The following CCDC192 variants were observed in gnomAD, a reference collection of about 807,000 sequenced individuals.
The protein encoded by CCDC192 is coiled-coil domain-containing protein 192.
At chr5:127,729,659 TAACA>T (rs545532565) in intron 2 of CCDC192, among the ~76,000 whole-genome samples, 168 of 152,272 alleles carry the variant, frequency 1.1e-3, no homozygotes, top group African/African-American at 3.8e-3. Flanking sequence ...ACTGAAATCA[TAACA>T]AACAGTCTCC....
At chr5:127,921,042 A>AAAGGAGG (rs1183097261) in intron 6 of CCDC192, among the ~76,000 whole-genome samples, 118 of 149,028 alleles carry the variant, frequency 7.9e-4, no homozygotes, top group African/African-American at 2.6e-3. Flanking sequence ...GTTGGAAAGG[A>AAAGGAGG]AAGGAGGAAG....
intron 1 of CCDC192, 147 bp from the exon 2 acceptor site, chr5:127,707,562 G>A: frequency 5.3e-6 from 2 of 378,142 alleles, no homozygotes; most frequent in Middle Eastern, 6.7e-4. Context: ...GAAATGTCCA[G>A]AAATTGACAT....
chr5:127,819,162 A>AC (rs1170266463), intron 5 of CCDC192, among the ~76,000 whole-genome samples: 1 of 152,030 alleles, frequency 6.6e-6, no homozygotes, highest in Non-Finnish European at 1.5e-5. Flanking sequence ...CCAGATAAAG[A>AC]CCCCCTACTG....
At chr5:127,757,780 A>ACACACACACACG (rs1754682549) in intron 3 of CCDC192, among the ~76,000 whole-genome samples, 2 of 92,620 alleles carry the variant, frequency 2.2e-5, no homozygotes, top group African/African-American at 8.0e-5. Flanking sequence ...ACACACACAC[A>ACACACACACACG]CACACACACA....
intron 5 of CCDC192, among the ~76,000 whole-genome samples, chr5:127,851,130 C>T (rs1253402660): frequency 6.6e-6 from 1 of 152,078 alleles, no homozygotes; most frequent in Admixed American, 6.6e-5. Context: ...TGCAAATCTC[C>T]CTTGTCTTTG....
intron 5 of CCDC192, among the ~76,000 whole-genome samples, chr5:127,828,886 AG>A (rs1237462013): frequency 2.0e-5 from 3 of 152,228 alleles, no homozygotes; most frequent in Non-Finnish European, 2.9e-5. Flanking sequence ...GGTAGCCATC[AG>A]GTGATTTTAG....
intron 6 of CCDC192, among the ~76,000 whole-genome samples, chr5:127,939,056 T>C (rs2126337883): frequency 6.6e-6 from 1 of 152,166 alleles, no homozygotes; most frequent in African/African-American, 2.4e-5. Flanking sequence ...TTTTTTGAAA[T>C]TTGAGCTGTT....
At chr5:127,895,984 A>T (rs567617919) in intron 6 of CCDC192, among the ~76,000 whole-genome samples, 191 of 152,324 alleles carry the variant, frequency 1.3e-3, no homozygotes, top group African/African-American at 4.5e-3. Context: ...GCTTTATTTG[A>T]ATCTTTAATG....
intron 3 of CCDC192, among the ~76,000 whole-genome samples, chr5:127,762,911 C>A (rs551752995): frequency 2.0e-5 from 3 of 152,066 alleles, no homozygotes; most frequent in Admixed American, 2.0e-4. Context: ...AAATATTAAT[C>A]GAGTTTATAC....
chr5:127,916,148 T>C (rs1292936157), intron 6 of CCDC192, among the ~76,000 whole-genome samples: 2 of 152,246 alleles, frequency 1.3e-5, no homozygotes, highest in Admixed American at 1.3e-4. Context: ...CAGGAATAGC[T>C]TCTATTTCAA....
chr5:127,740,817 A>G, intron 2 of CCDC192, among the ~76,000 whole-genome samples: 1 of 152,168 alleles, frequency 6.6e-6, no homozygotes, highest in Non-Finnish European at 1.5e-5. Context: ...GCTGACTTGA[A>G]AGTCCTACAG....
intron 5 of CCDC192, among the ~76,000 whole-genome samples, chr5:127,859,249 G>T (rs997315418): frequency 6.6e-6 from 1 of 152,104 alleles, no homozygotes; most frequent in African/African-American, 2.4e-5. Flanking sequence ...TAACAAACAT[G>T]TTTTGTCAGT....
chr5:127,886,099 A>G (rs151856), intron 6 of CCDC192, among the ~76,000 whole-genome samples: 99,329 of 151,916 alleles, frequency 0.65, 32,474 homozygotes, highest in Non-Finnish European at 0.68. Flanking sequence ...GCTCTTCTGC[A>G]CGTGCTTTTC....
chr5:127,749,071 T>C (rs1332531110), intron 2 of CCDC192, among the ~76,000 whole-genome samples: 2 of 152,184 alleles, frequency 1.3e-5, no homozygotes, highest in Admixed American at 1.3e-4. Context: ...CAATTTGACT[T>C]ACTTCCTCTT....
At chr5:127,732,977 C>A (rs1438926741) in intron 2 of CCDC192, among the ~76,000 whole-genome samples, 3 of 152,072 alleles carry the variant, frequency 2.0e-5, no homozygotes, top group Non-Finnish European at 4.4e-5. Context: ...CCTGCACATC[C>A]TACACATGTA....
intron 2 of CCDC192, among the ~76,000 whole-genome samples, chr5:127,743,106 G>T (rs1356789428): frequency 6.6e-6 from 1 of 152,018 alleles, no homozygotes; most frequent in African/African-American, 2.4e-5. Context: ...CAGGAGAAGA[G>T]GGGATGAGAA....
At chr5:127,763,411 T>TC (rs1211891520) in intron 3 of CCDC192, among the ~76,000 whole-genome samples, 2 of 152,190 alleles carry the variant, frequency 1.3e-5, no homozygotes, top group African/African-American at 4.8e-5. Flanking sequence ...CATCTTTTTT[T>TC]CTCTATCTCC....
chr5:127,816,755 C>T (rs1173430118), intron 5 of CCDC192, among the ~76,000 whole-genome samples: 1 of 152,206 alleles, frequency 6.6e-6, no homozygotes, highest in Non-Finnish European at 1.5e-5. Context: ...GCGAGGGAGG[C>T]TTCTGCTTTG....
At chr5:127,803,440 A>G (rs538767302) in intron 5 of CCDC192, among the ~76,000 whole-genome samples, 1 of 152,344 alleles carries the variant, frequency 6.6e-6, no homozygotes, top group East Asian at 1.9e-4. Flanking sequence ...AAAGACCTAC[A>G]TGGGATAAAA....
Sources: gnomAD v4.1 joint callset for allele counts (sites outside exome capture counted in the v4.1 genomes callset) on GRCh38, gnomAD v4.1.1 for gene constraint, MANE v1.5 for transcripts, NCBI Gene and HGNC (gene_info 2026-07-23, HGNC 2026-07-21) for gene names.